Variants in KL observed in about 807,000 individuals in gnomAD.
KL encodes the protein klotho.
In KL, 62 loss-of-function variants were observed where a neutral mutation model predicts 84.2. The observed-to-expected ratio is 0.74, with a 90% CI of 0.60 to 0.91. The LOEUF is 0.91. Among genes scored for constraint, KL ranks in the 40% least tolerant of loss-of-function variants. KL has a pLI of 0.00. For synonymous variants in KL, 528 were observed against 528.0 expected (o/e 1.00, Z 0.00); for missense variants, 1,261 against 1,305.7 (o/e 0.97, Z 0.53).
chr13:33,054,757 A>C (rs570320817), intron 2 of KL, among the ~76,000 whole-genome samples: 1 of 152,368 alleles, frequency 6.6e-6, no homozygotes, highest in Admixed American at 6.5e-5. Flanking sequence ...GGAAAGTGGT[A>C]CAAGACATCT....
intron 1 of KL, among the ~76,000 whole-genome samples, chr13:33,030,603 C>T (rs868477974): frequency 1.6e-4 from 24 of 152,280 alleles, no homozygotes; most frequent in South Asian, 6.2e-4. Context: ...CTCCCGACAT[C>T]AGGAGTCTTG....
intron 1 of KL, among the ~76,000 whole-genome samples, chr13:33,041,665 G>T (rs1457644752): frequency 6.6e-6 from 1 of 152,084 alleles, no homozygotes; most frequent in Non-Finnish European, 1.5e-5. Flanking sequence ...TAAGGGGGCA[G>T]AATTAGGAAA....
chr13:33,021,595 A>G (rs211236), intron 1 of KL, among the ~76,000 whole-genome samples: 48,126 of 152,042 alleles, frequency 0.32, 8,806 homozygotes, highest in Admixed American at 0.44. Flanking sequence ...ATTAAAATGT[A>G]TTTGGGGCCG....
intron 1 of KL, among the ~76,000 whole-genome samples, chr13:33,032,038 A>G (rs1870991771): frequency 6.6e-6 from 1 of 152,066 alleles, no homozygotes. Context: ...CTGAACCCCT[A>G]TTCCCAGTGT....
chr13:33,016,531 C>T lies in KL; in HGVS notation c.91C>T (p.Leu31=), dbSNP rs540806300. ...GCTGCTGGGCCTGGGCGGCCGCCGCCTGCGTGCGGAGCCGGGCGACGGCGC... is the reference window on the plus strand; with the variant it reads ...GCTGCTGGGCCTGGGCGGCCGCCGCTTGCGTGCGGAGCCGGGCGACGGCGC... ...LVLLGLGGRR[L]RAEPGDGAQT... is the part of the protein sequence containing the mutation. The change falls in exon 1 of 5, where the codon CTG becomes TTG. Residue 31 remains leucine, a synonymous_variant. Transcript: ENST00000380099. 7.3e-4 allele frequency: 985 copies of T among 1,351,012 alleles called. 12 individuals carry two copies. The African/African-American group carries it at 0.014, about 19-fold the overall frequency. The allele number at this position is 1,351,012 out of a possible 1,614,324, so 83.7% of individuals were successfully genotyped here.
intron 1 of KL, among the ~76,000 whole-genome samples, chr13:33,045,892 T>G (rs1281601879): frequency 6.6e-6 from 1 of 152,238 alleles, no homozygotes; most frequent in Non-Finnish European, 1.5e-5. Context: ...CTGCGTTAAT[T>G]GAGATAATCA....
intron 1 of KL, among the ~76,000 whole-genome samples, chr13:33,038,953 A>G (rs926544634): frequency 5.3e-5 from 8 of 152,222 alleles, no homozygotes; most frequent in Non-Finnish European, 1.0e-4. Flanking sequence ...ATTTCGTTAC[A>G]TAAAAGTCAG....
rs532565017 is a variant in KL, at chr13:33,050,052, C to T, written c.820-3715C>T. On this transcript the variant is annotated intron_variant, in intron 1 of 4. Transcript: ENST00000380099. The stretch of plus-strand genomic sequence containing the variant: ...TTACATGTTAATTGATATTCTTTTG[C>T]ATTATCCTGAATAATGGTATTTCTT... 2.9e-3 allele frequency among the ~76,000 whole-genome samples: 445 copies of T among 152,252 alleles called. 2 individuals are homozygous for T. The highest frequency in any genetic ancestry group is 4.6e-3 in the Non-Finnish European group (316 of 68,006).
At chr13:33,040,874 C>T (rs1311934062) in intron 1 of KL, among the ~76,000 whole-genome samples, 1 of 152,072 alleles carries the variant, frequency 6.6e-6, no homozygotes, top group East Asian at 1.9e-4. Flanking sequence ...CTTTGAGTTC[C>T]TTGATTCCTC....
At chr13:33,054,800 G>A (rs1273404334) in intron 2 of KL, among the ~76,000 whole-genome samples, 1 of 152,106 alleles carries the variant, frequency 6.6e-6, no homozygotes, top group Non-Finnish European at 1.5e-5. Flanking sequence ...TTATAAATAA[G>A]GAACTATTTT....
intron 1 of KL, among the ~76,000 whole-genome samples, chr13:33,051,798 A>G (rs570255745): frequency 4.6e-4 from 70 of 152,292 alleles, no homozygotes; most frequent in African/African-American, 1.7e-3. Flanking sequence ...CGCTTATTCT[A>G]CAGAAAGGTG....
chr13:33,016,768 C>A lies in KL; in HGVS notation c.328C>A (p.Pro110Thr). 1 of 1,611,824 alleles carries A rather than the reference C, an allele frequency of 6.2e-7. No individual in the cohort carries two copies. The change falls in exon 1 of 5, where the codon CCG becomes ACG. Residue 110 changes from proline to threonine, a missense_variant. Transcript: ENST00000380099. ...GGGAGACTCCCGGAACGCCAGTCTGCCGTTGGGCGCCCCGTCGCCGCTGCA... is the reference window on the plus strand; with the variant it reads ...GGGAGACTCCCGGAACGCCAGTCTGACGTTGGGCGCCCCGTCGCCGCTGCA... ...PPGDSRNASL[P>T]LGAPSPLQPA...
At chr13:33,030,967 T>G (rs1376310365) in intron 1 of KL, among the ~76,000 whole-genome samples, 1 of 152,068 alleles carries the variant, frequency 6.6e-6, no homozygotes, top group African/African-American at 2.4e-5. Flanking sequence ...TTAAAGGATA[T>G]TCATAAAGAT....
At position 33,061,334 on chromosome 13, in the gene KL, T is replaced by A; in HGVS notation, c.2255T>A (p.Val752Asp). The change falls in exon 4 of 5, where the codon GTT becomes GAT. Residue 752 changes from valine to aspartate, a missense_variant. By Grantham distance (152) the Val-to-Asp change is radical. Transcript: ENST00000380099. ...AAGGACAAAGAGGTGGCTGAGAGAG[T>A]TTTGGAATTTGACATTGGCTGGCTG... ...SQKDKEVAER[V>D]LEFDIGWLAE... The A allele has an allele frequency of 6.2e-7, 1 of 1,613,810 alleles. No individual in the cohort carries two copies. Among genetic ancestry groups the A allele is most frequent in the Non-Finnish European group, 8.5e-7 (1 of 1,179,952 alleles).
At chr13:33,026,808 C>A (rs1249948786) in intron 1 of KL, among the ~76,000 whole-genome samples, 1 of 152,160 alleles carries the variant, frequency 6.6e-6, no homozygotes, top group Admixed American at 6.5e-5. Flanking sequence ...GCAGTGAATG[C>A]TCTTTCTCCC....
intron 1 of KL, among the ~76,000 whole-genome samples, chr13:33,045,147 G>A (rs1871479552): frequency 1.3e-5 from 2 of 152,084 alleles, no homozygotes; most frequent in African/African-American, 4.8e-5. Flanking sequence ...TTTCTTTTTG[G>A]ACTGTTCATT....
At chr13:33,040,457 C>A (rs1026860780) in intron 1 of KL, among the ~76,000 whole-genome samples, 1 of 152,120 alleles carries the variant, frequency 6.6e-6, no homozygotes, top group Non-Finnish European at 1.5e-5. Context: ...TTTTTGAAAA[C>A]GGTCACCTTT....
At chr13:33,040,265 C>T (rs534092018) in intron 1 of KL, among the ~76,000 whole-genome samples, 4 of 152,260 alleles carry the variant, frequency 2.6e-5, no homozygotes, top group South Asian at 2.1e-4. Flanking sequence ...ATTTGGTCTG[C>T]GAGCACAAAC....
At chr13:33,047,809 C>A (rs1871592837) in intron 1 of KL, among the ~76,000 whole-genome samples, 1 of 148,818 alleles carries the variant, frequency 6.7e-6, no homozygotes, top group South Asian at 2.1e-4. Flanking sequence ...TTTGGTAATT[C>A]ATTTTTCTTA....
Sources: gnomAD v4.1 joint callset for allele counts (sites outside exome capture counted in the v4.1 genomes callset) on GRCh38, gnomAD v4.1.1 for gene constraint, MANE v1.5 for transcripts, NCBI Gene and HGNC (gene_info 2026-07-23, HGNC 2026-07-21) for gene names.